Variants in VWDE observed in about 807,000 individuals in gnomAD.
The protein encoded by VWDE is von Willebrand factor D and EGF domains.
VWDE carries 207 observed loss-of-function variants against 178.4 expected under a neutral mutation model. The observed-to-expected ratio is 1.16, with a 90% CI of 1.04 to 1.30. The LOEUF (loss-of-function observed/expected upper bound fraction) is 1.30. Among genes scored for constraint, VWDE ranks in the 50% most tolerant of loss-of-function variants. The pLI is 0.00. For synonymous variants in VWDE, 738 were observed against 651.4 expected, an observed-to-expected ratio of 1.13 and a Z score of -2.02; for missense variants, 2,287 against 1,901.3, an observed-to-expected ratio of 1.20 and a Z score of -3.77.
chr7:12,377,213 C>A (rs1218299124), intron 7 of VWDE, among the ~76,000 whole-genome samples: 2 of 152,092 alleles, frequency 1.3e-5, no homozygotes, highest in African/African-American at 4.8e-5. Flanking sequence ...TCACTCTATC[C>A]ATTGACACAT....
intron 19 of VWDE, among the ~76,000 whole-genome samples, chr7:12,347,807 T>G (rs1781692193): frequency 6.6e-6 from 1 of 151,972 alleles, no homozygotes; most frequent in Non-Finnish European, 1.5e-5. Context: ...GGCATCACAC[T>G]ACCTGACTTC....
Position 12,370,174 on chromosome 7 carries a change from AC to A in VWDE, c.2131del (p.Val711TyrfsTer32). 2 of 1,551,452 alleles carry A rather than the reference AC, an allele frequency of 1.3e-6. No individual in the cohort carries two copies. Among genetic ancestry groups the A allele is most frequent in the Non-Finnish European group, 1.7e-6 (2 of 1,146,878 alleles). On this transcript the variant is annotated frameshift_variant, in exon 12 of 29. Coordinates refer to ENST00000275358, the MANE Select transcript of VWDE (RefSeq NM_001135924.3). LOFTEE classifies it high-confidence loss of function. ...TTTCTCATTTCCAGGATGTTTTTGT[AC>A]ATTTAAGCCGAGTTTAGTCAGGTTT... is the stretch of plus-strand genomic sequence containing the variant. ...HINLTKLGLN[V>X]QKHPGNEKED...
chr7:12,395,179 G>A (rs1784566680), intron 1 of VWDE, among the ~76,000 whole-genome samples: 1 of 152,076 alleles, frequency 6.6e-6, no homozygotes, highest in Non-Finnish European at 1.5e-5. Flanking sequence ...AGGCTCCGAT[G>A]TCAACACAAA....
chr7:12,372,079 CTTTA>C (rs1438991589), intron 10 of VWDE, among the ~76,000 whole-genome samples: 5 of 151,984 alleles, frequency 3.3e-5, no homozygotes, highest in African/African-American at 9.7e-5. Context: ...GATGTTCAAC[CTTTA>C]TTTATCTATT....
intron 12 of VWDE, among the ~76,000 whole-genome samples, chr7:12,369,194 C>T (rs1045563224): frequency 2.0e-5 from 3 of 151,942 alleles, no homozygotes; most frequent in African/African-American, 4.8e-5. Context: ...GGTAGAGGGC[C>T]CAGTTGTGTG....
At position 12,342,172 on chromosome 7, in the gene VWDE, A is replaced by G; in HGVS notation, c.4175-18T>C. 1 of 1,547,868 alleles carries G rather than the reference A, an allele frequency of 6.5e-7. No individual in the cohort carries two copies. The highest frequency in any genetic ancestry group is 2.0e-5 in the Admixed American group (1 of 50,980). The stretch of plus-strand genomic sequence containing the variant: ...ACAAACCACTGAGATCATAGAATAA[A>G]GAGAAAAGAAAGATTAGGCTTGGAG... On this transcript the variant is annotated intron_variant, in intron 22 of 28. Coordinates refer to ENST00000275358, the MANE Select transcript of VWDE (RefSeq NM_001135924.3).
chr7:12,393,811 G>A, intron 1 of VWDE, 33 bp from the exon 2 acceptor site: 1 of 1,493,942 alleles, frequency 6.7e-7, no homozygotes, highest in Admixed American at 2.4e-5. Flanking sequence ...TTTATGTAAT[G>A]TGTTTTGTTT....
At chr7:12,400,208 A>G (rs966451226) in intron 1 of VWDE, among the ~76,000 whole-genome samples, 3 of 152,106 alleles carry the variant, frequency 2.0e-5, no homozygotes, top group African/African-American at 7.2e-5. Flanking sequence ...AAGGAAGGAA[A>G]TTTTAAAGAT....
At chr7:12,340,208 T>C in intron 24 of VWDE, 114 bp downstream of exon 24, 1 of 773,458 alleles carries the variant, frequency 1.3e-6, no homozygotes, top group Non-Finnish European at 2.1e-6. Context: ...ATCGCAAGAA[T>C]TCTGGGGAAA....
chr7:12,402,004 C>A (rs534322625), intron 1 of VWDE, among the ~76,000 whole-genome samples: 5 of 152,234 alleles, frequency 3.3e-5, no homozygotes, highest in Non-Finnish European at 7.4e-5. Flanking sequence ...GATGAATGAA[C>A]CTTGATAATA....
At chr7:12,336,063 G>T (rs750861639) in intron 27 of VWDE, 78 bp downstream of exon 27, 5 of 1,289,548 alleles carry the variant, frequency 3.9e-6, no homozygotes, top group Non-Finnish European at 5.4e-6. Flanking sequence ...TTATGGACTT[G>T]TCCTAAAGCT....
intron 18 of VWDE, among the ~76,000 whole-genome samples, chr7:12,353,062 A>C (rs1427722674): frequency 6.6e-6 from 1 of 152,150 alleles, no homozygotes; most frequent in Non-Finnish European, 1.5e-5. Context: ...CCCTCCAAAA[A>C]AACTTGTTCT....
At chr7:12,359,311 A>C (rs761662417) in intron 16 of VWDE, among the ~76,000 whole-genome samples, 4 of 152,186 alleles carry the variant, frequency 2.6e-5, no homozygotes, top group Non-Finnish European at 4.4e-5. Context: ...ACTTCAGAAA[A>C]CTGAACAGAG....
At chr7:12,389,653 T>C (rs926097426) in intron 2 of VWDE, among the ~76,000 whole-genome samples, 2 of 152,194 alleles carry the variant, frequency 1.3e-5, no homozygotes, top group African/African-American at 4.8e-5. Context: ...TCAGATACCT[T>C]ACTAAAATAG....
At chr7:12,379,659 A>C in intron 5 of VWDE, 93 bp from the exon 6 acceptor site, 2 of 790,632 alleles carry the variant, frequency 2.5e-6, no homozygotes, top group Non-Finnish European at 3.9e-6. Flanking sequence ...TTAATTCTTC[A>C]TAGATAGTAT....
chr7:12,343,538 T>C (rs970480230), intron 21 of VWDE, among the ~76,000 whole-genome samples: 3 of 152,202 alleles, frequency 2.0e-5, no homozygotes, highest in African/African-American at 4.8e-5. Context: ...TTCTATTAGT[T>C]CACCCTAAAT....
At chr7:12,358,216 A>G (rs12537184) in intron 16 of VWDE, among the ~76,000 whole-genome samples, 63,553 of 151,792 alleles carry the variant, frequency 0.42, 13,370 homozygotes, top group South Asian at 0.48. Flanking sequence ...GTCTCTACTA[A>G]AAATAAAAAT....
chr7:12,379,416 CA>C, intron 6 of VWDE, 60 bp downstream of exon 6: 1 of 1,116,960 alleles, frequency 9.0e-7, no homozygotes, highest in Non-Finnish European at 1.2e-6. Flanking sequence ...GGACAGATCA[CA>C]GTTTGGGAAA....
At chr7:12,345,630 C>T (rs1235610109) in intron 19 of VWDE, among the ~76,000 whole-genome samples, 1 of 152,148 alleles carries the variant, frequency 6.6e-6, no homozygotes, top group Non-Finnish European at 1.5e-5. Context: ...AATATACCCT[C>T]CTGTCTCTGT....
Sources: gnomAD v4.1 joint callset for allele counts (sites outside exome capture counted in the v4.1 genomes callset) on GRCh38, gnomAD v4.1.1 for gene constraint, MANE v1.5 for transcripts, NCBI Gene and HGNC (gene_info 2026-07-23, HGNC 2026-07-21) for gene names.